Variants in PPP3CA observed in about 807,000 individuals in gnomAD.
PPP3CA encodes CAM-PRP catalytic subunit.
Under a neutral mutation model 66.5 loss-of-function variants are expected in PPP3CA, and 14 were observed. The ratio of observed to expected loss-of-function variants is 0.21; its 90% CI spans 0.14 to 0.33. The LOEUF (loss-of-function observed/expected upper bound fraction) is 0.33, where lower values mean the gene tolerates loss of function less well. PPP3CA is among the 10% of genes least tolerant of loss of function. The pLI is 1.00. For synonymous variants in PPP3CA, 232 were observed against 226.2 expected (o/e 1.03, Z -0.23); for missense variants, 317 against 639.5 (o/e 0.50, Z 5.44).
At chr4:101,333,373 A>G (rs999434584) in intron 1 of PPP3CA, among the ~76,000 whole-genome samples, 3 of 131,772 alleles carry the variant, frequency 2.3e-5, no homozygotes, top group Non-Finnish European at 4.7e-5. Flanking sequence ...AAGTCCTCCC[A>G]CCTCAGCCTC....
intron 1 of PPP3CA, among the ~76,000 whole-genome samples, chr4:101,321,401 G>T (rs573065057): frequency 1.3e-5 from 2 of 152,314 alleles, no homozygotes; most frequent in South Asian, 4.2e-4. Context: ...TCAGTGTTGG[G>T]TGTTACTGCA....
chr4:101,285,108 T>A (rs1220628439), intron 1 of PPP3CA, among the ~76,000 whole-genome samples: 1 of 152,152 alleles, frequency 6.6e-6, no homozygotes, highest in Non-Finnish European at 1.5e-5. Flanking sequence ...TCTCCCTCTA[T>A]CTGTACTCAC....
intron 6 of PPP3CA, among the ~76,000 whole-genome samples, chr4:101,090,641 C>CAAAA (rs1218660976): frequency 2.0e-4 from 13 of 65,644 alleles, no homozygotes; most frequent in East Asian, 5.6e-4. Flanking sequence ...GACTCTGTCT[C>CAAAA]AAAAAAAAAA....
intron 1 of PPP3CA, among the ~76,000 whole-genome samples, chr4:101,245,688 A>G (rs1193701640): frequency 3.9e-5 from 6 of 152,050 alleles, no homozygotes; most frequent in South Asian, 2.1e-4. Flanking sequence ...TCAATATTCT[A>G]TAACAGTACT....
At chr4:101,242,592 G>A (rs1726347358) in intron 1 of PPP3CA, among the ~76,000 whole-genome samples, 1 of 152,052 alleles carries the variant, frequency 6.6e-6, no homozygotes, top group Non-Finnish European at 1.5e-5. Context: ...TGGATTTGCA[G>A]GACTTCCAGG....
intron 1 of PPP3CA, among the ~76,000 whole-genome samples, chr4:101,320,361 C>T (rs1322569243): frequency 6.6e-6 from 1 of 151,960 alleles, no homozygotes; most frequent in East Asian, 1.9e-4. Context: ...GTTACTAAAA[C>T]AGTATTATGT....
chr4:101,153,847 C>A (rs1723220574), intron 2 of PPP3CA, among the ~76,000 whole-genome samples: 1 of 151,984 alleles, frequency 6.6e-6, no homozygotes, highest in South Asian at 2.1e-4. Context: ...ATACTTCCTG[C>A]AATGTTACCA....
At chr4:101,109,971 T>C (rs1204506588) in intron 2 of PPP3CA, among the ~76,000 whole-genome samples, 1 of 152,164 alleles carries the variant, frequency 6.6e-6, no homozygotes, top group Non-Finnish European at 1.5e-5. Flanking sequence ...TGTGGCTTGG[T>C]AGGGTCACTC....
At chr4:101,278,591 GA>G in intron 1 of PPP3CA, among the ~76,000 whole-genome samples, 1 of 152,146 alleles carries the variant, frequency 6.6e-6, no homozygotes, top group East Asian at 1.9e-4. Flanking sequence ...ATTGTGTCCT[GA>G]AAAACAACTG....
At chr4:101,063,459 C>T in intron 8 of PPP3CA, 102 bp from the exon 9 acceptor site, 3 of 1,364,640 alleles carry the variant, frequency 2.2e-6, no homozygotes, top group Non-Finnish European at 2.0e-6. Flanking sequence ...ACTGAAGTTC[C>T]AAAACATCCA....
At chr4:101,097,365 G>A (rs1276020828) in intron 5 of PPP3CA, among the ~76,000 whole-genome samples, 1 of 151,986 alleles carries the variant, frequency 6.6e-6, no homozygotes, top group Non-Finnish European at 1.5e-5. Flanking sequence ...TCTAAAAGTA[G>A]AGGAAAGAAG....
intron 1 of PPP3CA, among the ~76,000 whole-genome samples, chr4:101,271,553 A>G (rs1183646327): frequency 6.6e-6 from 1 of 152,194 alleles, no homozygotes; most frequent in Non-Finnish European, 1.5e-5. Context: ...ATAAAAAAGC[A>G]TAATTAAGGA....
chr4:101,253,602 T>C (rs2110247196), intron 1 of PPP3CA, among the ~76,000 whole-genome samples: 1 of 152,308 alleles, frequency 6.6e-6, no homozygotes, highest in Middle Eastern at 3.4e-3. Flanking sequence ...CATCCTCATT[T>C]GTTCAATAAA....
At chr4:101,026,925 A>G (rs1216075394) in intron 13 of PPP3CA, among the ~76,000 whole-genome samples, 2 of 152,238 alleles carry the variant, frequency 1.3e-5, no homozygotes, top group East Asian at 3.8e-4. Context: ...TTTAGCAAAA[A>G]TGCATTGAAC....
intron 1 of PPP3CA, among the ~76,000 whole-genome samples, chr4:101,285,599 ATGTGTGTGTGTGTGTGTGTGTGTGTG>A (rs56681112): frequency 4.0e-5 from 5 of 124,592 alleles, no homozygotes; most frequent in South Asian, 5.6e-4. Context: ...CACTGTGTGT[ATGTGTGTGTGTGTGTGTGTGTGTGTG>A]TGTGTGTGTG....
chr4:101,179,064 C>T (rs760077199), intron 2 of PPP3CA, among the ~76,000 whole-genome samples: 2 of 152,124 alleles, frequency 1.3e-5, no homozygotes, highest in East Asian at 3.9e-4. Flanking sequence ...CTTACAAATC[C>T]CTTCATCATA....
chr4:101,079,561 T>C (rs1353201499), intron 8 of PPP3CA, among the ~76,000 whole-genome samples: 1 of 152,030 alleles, frequency 6.6e-6, no homozygotes, highest in East Asian at 1.9e-4. Context: ...TGTGTTTTTT[T>C]TAGTAGAGAC....
Position 101,164,368 on chromosome 4 carries a change from G to C in PPP3CA, c.259+31548C>G, listed in dbSNP as rs191304067. Among the ~76,000 whole-genome samples the C allele has an allele frequency of 5.9e-5, 9 of 152,160 alleles. 1 individual carries two copies. The highest frequency in any genetic ancestry group is 5.2e-4 in the Admixed American group (8 of 15,278). On this transcript the variant is annotated intron_variant, in intron 2 of 13. Transcript: ENST00000394854. ...TGTTAAGACAGTAAGGAACTTTGTA[G>C]AAACTTTACTGTCATATCCCAAGTG...
chr4:101,188,672 T>C (rs971536505), intron 2 of PPP3CA, among the ~76,000 whole-genome samples: 19 of 152,154 alleles, frequency 1.2e-4, no homozygotes. Flanking sequence ...TTTGAAGGCT[T>C]TTCCCTACCT....
Sources: gnomAD v4.1 joint callset for allele counts (sites outside exome capture counted in the v4.1 genomes callset) on GRCh38, gnomAD v4.1.1 for gene constraint, MANE v1.5 for transcripts, NCBI Gene and HGNC (gene_info 2026-07-23, HGNC 2026-07-21) for gene names.